Variants in FUCA2 observed in about 807,000 individuals in gnomAD.
FUCA2 encodes the protein alpha-L-fucosidase 2.
FUCA2 carries 41 observed loss-of-function variants against 52.6 expected under a neutral mutation model. The ratio of observed to expected loss-of-function variants is 0.78; its 90% CI spans 0.61 to 1.01. The LOEUF (loss-of-function observed/expected upper bound fraction) is 1.01. Among genes scored for constraint, FUCA2 ranks in the 50% least tolerant of loss-of-function variants. The pLI is 0.00. For synonymous variants in FUCA2, 211 were observed against 217.3 expected (o/e 0.97, Z 0.26); for missense variants, 507 against 569.5 (o/e 0.89, Z 1.12).
chr6:143,495,730 G>C lies in FUCA2; in HGVS notation c.1381C>G (p.Leu461Val). The part of the protein sequence containing the change: ...HQMPCKWGWA[L>V]ALTNVI ...CTTTAGATCACATTAGTCAGGGCTA[G>C]AGCCCAGCCCCATTTACACGGCATC... Residue 461 changes from leucine (L) to valine (V), a missense_variant, in exon 7 of 7, where the codon CTA becomes GTA. Leu to Val is a conservative substitution (Grantham distance 32). Coordinates refer to ENST00000002165, the MANE Select transcript of FUCA2 (RefSeq NM_032020.5). This position sits in a 1 kb window ranked among gnomAD's most constrained non-coding sequence, Gnocchi z 5.2. 1 of 1,614,006 alleles carries C rather than the reference G, an allele frequency of 6.2e-7. No individual in the cohort carries two copies. Among genetic ancestry groups the C allele is most frequent in the Non-Finnish European group, 8.5e-7 (1 of 1,179,938 alleles).
chr6:143,508,488 T>C (rs933065533), intron 1 of FUCA2, among the ~76,000 whole-genome samples: 1 of 152,258 alleles, frequency 6.6e-6, no homozygotes, highest in African/African-American at 2.4e-5. Flanking sequence ...GGGCATACTA[T>C]GCGGCAGGCA....
chr6:143,511,310 G>T lies in FUCA2; in HGVS notation c.224+101C>A. On this transcript the variant is annotated intron_variant, in intron 1 of 6. Transcript: ENST00000002165. The surrounding 1 kb of genome is among the most constrained non-coding windows in gnomAD (Gnocchi z 6.3). ...AGTGGGAGGTGAAACCGACGAGGGT[G>T]CAGGCAGCACCAGGCGGCGAACCAG... 7 of 1,088,246 alleles carry T rather than the reference G, an allele frequency of 6.4e-6. No homozygotes were observed. The Middle Eastern group carries it at 8.8e-4, about 138-fold the overall frequency. The allele number at this position is 1,088,246 out of a possible 1,614,324, so 67.4% of individuals were successfully genotyped here.
chr6:143,507,218 A>G lies in FUCA2; in HGVS notation c.412+19T>C. 6.4e-7 allele frequency: 1 copy of G among 1,559,540 alleles called. No homozygotes were observed. Among genetic ancestry groups the G allele is most frequent in the Non-Finnish European group, 8.6e-7 (1 of 1,162,066 alleles). On this transcript the variant is annotated intron_variant, in intron 2 of 6. Transcript: ENST00000002165. The surrounding 1 kb of genome is among the most constrained non-coding windows in gnomAD (Gnocchi z 4.5). ...TTCTTAACCATTGTCAGCAATTTCC[A>G]TAGGCTGGATTGACTTACCTTCATG...
At position 143,495,817 on chromosome 6, in the gene FUCA2, T is replaced by A. The variant is rs2128421274; in HGVS notation, c.1294A>T (p.Asn432Tyr). The A allele has an allele frequency of 6.2e-7, 1 of 1,614,104 alleles. No individual in the cohort carries two copies. The highest frequency in any genetic ancestry group is 1.7e-5 in the Admixed American group (1 of 60,014). The change falls in exon 7 of 7, where the codon AAC (asparagine) becomes TAC (tyrosine). Residue 432 changes from asparagine to tyrosine, a missense_variant. Physicochemically the swap from Asn to Tyr is moderately radical, Grantham distance 143. Coordinates refer to ENST00000002165, the MANE Select transcript of FUCA2 (RefSeq NM_032020.5). This position sits in a 1 kb window ranked among gnomAD's most constrained non-coding sequence, Gnocchi z 5.2. ...VKLLGHGQPL[N>Y]WISLEQNGIM... is the part of the protein sequence containing the mutation. ...CCATTTTGCTCCAAAGAAATCCAGTTAAGTGGCTGTCCATGGCCCAGTAGT... is the reference window on the plus strand; with the variant it reads ...CCATTTTGCTCCAAAGAAATCCAGTAAAGTGGCTGTCCATGGCCCAGTAGT...
At position 143,511,708 on chromosome 6, in the gene FUCA2, C is replaced by T. The variant is rs1780688345; in HGVS notation, c.-74G>A. 1 of 1,329,692 alleles carries T rather than the reference C, an allele frequency of 7.5e-7. No individual in the cohort carries two copies. The highest frequency in any genetic ancestry group is 1.6e-5 in the South Asian group (1 of 63,972). The allele number at this position is 1,329,692 out of a possible 1,614,324, so 82.4% of individuals were successfully genotyped here. A position where few individuals can be genotyped will look rare whatever the true frequency, so the allele number is the denominator to read the frequency against. ...GAGCGCTGTTCTTCCGTCTCTGCCG[C>T]TGAGTATGCCGCGCCGCGGTCACCT... is the stretch of plus-strand genomic sequence containing the variant. On this transcript the variant is annotated 5_prime_UTR_variant, in exon 1 of 7. Transcript: ENST00000002165. This position sits in a 1 kb window ranked among gnomAD's most constrained non-coding sequence, Gnocchi z 6.3.
Position 143,502,142 on chromosome 6 carries a change from G to A in FUCA2, c.964-20C>T, listed in dbSNP as rs765833105. 1.1e-5 allele frequency: 17 copies of A among 1,542,090 alleles called. No homozygotes were observed. Among genetic ancestry groups the A allele is most frequent in the African/African-American group, 2.8e-5 (2 of 71,156 alleles). On this transcript the variant is annotated intron_variant, in intron 4 of 6. Transcript: ENST00000002165. This position sits in a 1 kb window ranked among gnomAD's most constrained non-coding sequence, Gnocchi z 4.1. ...AAGTTGCTAAAAAATTAAGAATAATGTTTTTAGATAAATAAAATAATTCCA... is the reference window on the plus strand; with the variant it reads ...AAGTTGCTAAAAAATTAAGAATAATATTTTTAGATAAATAAAATAATTCCA...
chr6:143,495,788 A>G lies in FUCA2; in HGVS notation c.1323T>C (p.Ile441=). 2 of 1,614,080 alleles carry G rather than the reference A, an allele frequency of 1.2e-6. No individual in the cohort carries two copies. The highest frequency in any genetic ancestry group is 1.7e-6 in the Non-Finnish European group (2 of 1,179,966). ...LNWISLEQNG[I]MVELPQLTIH... ...TGGTTAGCTGTGGCAGTTCTACCAT[A>G]ATGCCATTTTGCTCCAAAGAAATCC... The change falls in exon 7 of 7, where the codon ATT becomes ATC. Residue 441 remains isoleucine, a synonymous_variant. Coordinates refer to ENST00000002165, the MANE Select transcript of FUCA2 (RefSeq NM_032020.5). The surrounding 1 kb of genome is among the most constrained non-coding windows in gnomAD (Gnocchi z 5.2).
Position 143,503,940 on chromosome 6 carries a change from C to G in FUCA2, c.725G>C (p.Gly242Ala), listed in dbSNP as rs778453915. 3 of 1,613,746 alleles carry G rather than the reference C, an allele frequency of 1.9e-6. No homozygotes were observed. The highest frequency in any genetic ancestry group is 2.7e-5 in the African/African-American group (2 of 74,874). ...TTCATTATATAACCAGGCCAAGAAG[C>G]CTGTGCTGTTCCAGTATTGATCCGG... The part of the protein sequence containing the change: ...GAPDQYWNST[G>A]FLAWLYNESP... The change falls in exon 3 of 7, where the codon GGC becomes GCC. Residue 242 changes from glycine (G) to alanine (A), a missense_variant. Transcript: ENST00000002165. This position sits in a 1 kb window ranked among gnomAD's most constrained non-coding sequence, Gnocchi z 4.8.
Position 143,511,449 on chromosome 6 carries a change from T to C in FUCA2, c.186A>G (p.Gly62=). The C allele has an allele frequency of 6.2e-7, 1 of 1,611,480 alleles. No individual in the cohort carries two copies. The change falls in exon 1 of 7, where the codon GGA becomes GGG. Residue 62 remains glycine, a synonymous_variant. Coordinates refer to ENST00000002165, the MANE Select transcript of FUCA2 (RefSeq NM_032020.5). This position sits in a 1 kb window ranked among gnomAD's most constrained non-coding sequence, Gnocchi z 6.3. ...TACCGAAGCTGGGCACGGAAAACACTCCCCAGTGGATGAAGATGCCGAACT... is the reference window on the plus strand; with the variant it reads ...TACCGAAGCTGGGCACGGAAAACACCCCCCAGTGGATGAAGATGCCGAACT... ...QAKFGIFIHW[G]VFSVPSFGSE... is the part of the protein sequence containing the mutation.
chr6:143,507,280 G>C lies in FUCA2; in HGVS notation c.369C>G (p.Ala123=), dbSNP rs1174776488. ...NANQWADIFQ[A]SGAKYIVLTS... ...TTAAGACAATGTATTTGGCACCAGA[G>C]GCCTGAAAAATATCTGCCCACTGGT... Residue 123 remains alanine (A), a synonymous_variant, in exon 2 of 7, where the codon GCC becomes GCG. Transcript: ENST00000002165. This position sits in a 1 kb window ranked among gnomAD's most constrained non-coding sequence, Gnocchi z 4.5. 1.2e-6 allele frequency: 2 copies of C among 1,602,762 alleles called. No homozygotes were observed. Among genetic ancestry groups the C allele is most frequent in the East Asian group, 4.6e-5 (2 of 43,704 alleles).
Position 143,504,146 on chromosome 6 carries a change from A to G in FUCA2, c.519T>C (p.Thr173=), listed in dbSNP as rs758779125. Residue 173 remains threonine (T), a synonymous_variant, in exon 3 of 7, where the codon ACT becomes ACC. Transcript: ENST00000002165. The surrounding 1 kb of genome is among the most constrained non-coding windows in gnomAD (Gnocchi z 4.4). The part of the protein sequence containing the change: ...KELEVAIRNR[T]DLRFGLYYSL... ...AATAGTACAGTCCAAAACGCAGGTCAGTTCTGTTCCTAATGGCTACCTCAA... is the reference window on the plus strand; with the variant it reads ...AATAGTACAGTCCAAAACGCAGGTCGGTTCTGTTCCTAATGGCTACCTCAA... The G allele has an allele frequency of 2.5e-5, 40 of 1,614,076 alleles. No individual in the cohort carries two copies. The South Asian group carries it at 3.7e-4, about 15-fold the overall frequency.
Position 143,507,832 on chromosome 6 carries a change from G to A in FUCA2, c.225-408C>T, listed in dbSNP as rs1424032044. Among the ~76,000 whole-genome samples the A allele has an allele frequency of 6.6e-6, 1 of 151,032 alleles. No individual in the cohort carries two copies. ...CCACAGGCACGTGCCACCACACCTGGCTATTTTTTTTTTCTTTGTAGAGAT... is the reference window on the plus strand; with the variant it reads ...CCACAGGCACGTGCCACCACACCTGACTATTTTTTTTTTCTTTGTAGAGAT... On this transcript the variant is annotated intron_variant, in intron 1 of 6. Transcript: ENST00000002165. The surrounding 1 kb of genome is among the most constrained non-coding windows in gnomAD (Gnocchi z 4.5).
chr6:143,511,567 G>GGCGGCA lies in FUCA2; in HGVS notation c.62_67dup (p.Leu21_Pro22dup). ...GGCGCTGTGGGCAGGGCACGGCGGC[G>GGCGGCA]GCGGCAGCAGCAGCAACAGCAACAG... On this transcript the variant is annotated inframe_insertion, in exon 1 of 7. Transcript: ENST00000002165. This position sits in a 1 kb window ranked among gnomAD's most constrained non-coding sequence, Gnocchi z 6.3. 1 of 1,563,658 alleles carries GGCGGCA rather than the reference G, an allele frequency of 6.4e-7. No homozygotes were observed. The highest frequency in any genetic ancestry group is 1.2e-5 in the South Asian group (1 of 85,670).
Position 143,502,673 on chromosome 6 carries a change from A to G in FUCA2, c.753-108T>C, listed in dbSNP as rs1780547269. The G allele has an allele frequency of 1.1e-6, 1 of 936,338 alleles. No homozygotes were observed. Among genetic ancestry groups the G allele is most frequent in the Admixed American group, 2.5e-5 (1 of 40,502 alleles). The allele number at this position is 936,338 out of a possible 1,614,324, so 58.0% of individuals were successfully genotyped here. The stretch of plus-strand genomic sequence containing the variant: ...TGAAATACAATTCTGAAAAGGGACC[A>G]TGGCATAGTACAGTGGAAAGCCCAT... On this transcript the variant is annotated intron_variant, in intron 3 of 6. Coordinates refer to ENST00000002165, the MANE Select transcript of FUCA2 (RefSeq NM_032020.5). This position sits in a 1 kb window ranked among gnomAD's most constrained non-coding sequence, Gnocchi z 4.1.
chr6:143,511,540 G>A lies in FUCA2; in HGVS notation c.95C>T (p.Thr32Met). 1 of 1,582,568 alleles carries A rather than the reference G, an allele frequency of 6.3e-7. No homozygotes were observed. Residue 32 changes from threonine (T) to methionine (M), a missense_variant, in exon 1 of 7, where the codon ACG becomes ATG. By Grantham distance (81) the Thr-to-Met change is moderately conservative. Coordinates refer to ENST00000002165, the MANE Select transcript of FUCA2 (RefSeq NM_032020.5). This position sits in a 1 kb window ranked among gnomAD's most constrained non-coding sequence, Gnocchi z 6.3. ...PPPPCPAHSA[T>M]RFDPTWESLD... ...GGACTCCCAGGTGGGGTCGAAGCGCGTGGCGCTGTGGGCAGGGCACGGCGG... is the reference window on the plus strand; with the variant it reads ...GGACTCCCAGGTGGGGTCGAAGCGCATGGCGCTGTGGGCAGGGCACGGCGG...
Position 143,501,959 on chromosome 6 carries a change from T to TG in FUCA2, c.1126dup (p.Gln376ProfsTer3). ...CACATCTGGGGTGACAGTGTCATTC[T>TG]GGGATCGCCAGGTATGGGTTTCATA... On this transcript the variant is annotated frameshift_variant, in exon 5 of 7. Coordinates refer to ENST00000002165, the MANE Select transcript of FUCA2 (RefSeq NM_032020.5). LOFTEE classifies it high-confidence loss of function. The surrounding 1 kb of genome is among the most constrained non-coding windows in gnomAD (Gnocchi z 6.1). 2 of 1,613,870 alleles carry TG rather than the reference T, an allele frequency of 1.2e-6. No individual in the cohort carries two copies. Among genetic ancestry groups the TG allele is most frequent in the Non-Finnish European group, 1.7e-6 (2 of 1,179,854 alleles).
chr6:143,501,406 TATTTGTGGAGTCTG>T lies in FUCA2; in HGVS notation c.1154+512_1154+525del, dbSNP rs1780525603. Among the ~76,000 whole-genome samples, 1 of 152,210 alleles carries T rather than the reference TATTTGTGGAGTCTG, an allele frequency of 6.6e-6. No individual in the cohort carries two copies. Among genetic ancestry groups the T allele is most frequent in the South Asian group, 2.1e-4 (1 of 4,832 alleles). On this transcript the variant is annotated intron_variant, in intron 5 of 6. Transcript: ENST00000002165. The surrounding 1 kb of genome is among the most constrained non-coding windows in gnomAD (Gnocchi z 6.1). ...TAAGAAACCATATCAGAAACTGTCA[TATTTGTGGAGTCTG>T]ATTCGGGTACTCATTGACACACAGA...
At position 143,507,323 on chromosome 6, in the gene FUCA2, G is replaced by T. The variant is rs761344588; in HGVS notation, c.326C>A (p.Ala109Glu). 1.2e-6 allele frequency: 2 copies of T among 1,609,874 alleles called. No individual in the cohort carries two copies. Residue 109 changes from alanine to glutamate, a missense_variant, in exon 2 of 7, where the codon GCA (alanine) becomes GAA (glutamate). Transcript: ENST00000002165. The surrounding 1 kb of genome is among the most constrained non-coding windows in gnomAD (Gnocchi z 4.5). ...CCACTGGTTGGCATTAAAAAATTTTGCTGTAAATAGTGGTCCAAAATCTTC... is the reference window on the plus strand; with the variant it reads ...CCACTGGTTGGCATTAAAAAATTTTTCTGTAAATAGTGGTCCAAAATCTTC... Reference protein sequence around the residue: ...KYEDFGPLFTAKFFNANQWAD... With the variant: ...KYEDFGPLFTEKFFNANQWAD...
rs2128422030 is a variant in FUCA2 at position 143,503,375 on chromosome 6, G to A, written c.752+538C>T. ...TAAGCCTAATGGAGGAGTTTAATCA[G>A]AACTCCCTGTTCTAATAGGGCAGCC... On this transcript the variant is annotated intron_variant, in intron 3 of 6. Transcript: ENST00000002165. This position sits in a 1 kb window ranked among gnomAD's most constrained non-coding sequence, Gnocchi z 4.8. 6.5e-6 allele frequency: 1 copy of A among 153,380 alleles called. No individual in the cohort carries two copies. The highest frequency in any genetic ancestry group is 3.4e-3 in the Middle Eastern group (1 of 294). The allele number at this position is 153,380 out of a possible 1,614,324, so 9.5% of individuals were successfully genotyped here. A position where few individuals can be genotyped will look rare whatever the true frequency, so the allele number is the denominator to read the frequency against.
Sources: gnomAD v4.1 joint callset for allele counts (sites outside exome capture counted in the v4.1 genomes callset) on GRCh38, gnomAD v4.1.1 for gene constraint, Gnocchi (gnomAD v3.1) non-coding constraint, MANE v1.5 for transcripts, NCBI Gene and HGNC (gene_info 2026-07-23, HGNC 2026-07-21) for gene names.